Variants in BORCS5 observed in about 807,000 individuals in gnomAD.
BORCS5 encodes BLOC-1 related complex subunit 5.
Under a neutral mutation model 22.1 loss-of-function variants are expected in BORCS5, and 17 were observed. That is an observed-to-expected ratio of 0.77 (90% CI 0.53 to 1.15). The LOEUF (loss-of-function observed/expected upper bound fraction) is 1.15. Ranked by LOEUF, BORCS5 falls within the 50% of genes most tolerant of loss-of-function variation. The pLI is 0.00. For synonymous variants in BORCS5, 117 were observed against 99.8 expected, an observed-to-expected ratio of 1.17 and a Z score of -1.03; for missense variants, 247 against 253.2, an observed-to-expected ratio of 0.98 and a Z score of 0.17.
At chr12:12,408,765 T>G (rs968401137) in intron 2 of BORCS5, among the ~76,000 whole-genome samples, 13 of 152,336 alleles carry the variant, frequency 8.5e-5, no homozygotes, top group African/African-American at 3.1e-4. Context: ...TGTATATATA[T>G]AGAAAAATAT....
intron 2 of BORCS5, among the ~76,000 whole-genome samples, chr12:12,415,096 C>T (rs1941898084): frequency 6.6e-6 from 1 of 150,922 alleles, no homozygotes. Flanking sequence ...CTCCTCATAT[C>T]CCAGACGATG....
In BORCS5 at chr12:12,419,444, T is replaced by A. The variant is rs1469030973; in HGVS notation, c.203-16184T>A. Among the ~76,000 whole-genome samples the A allele has an allele frequency of 3.3e-5, 5 of 152,236 alleles. No homozygotes were observed. In the East Asian group the frequency reaches 7.7e-4, roughly 23 times the overall value. ...CACATTTTCTTAATCCAGTCTATCA[T>A]TGATGGACATTTGGGTTGGTTCCAA... On this transcript the variant is annotated intron_variant, in intron 2 of 3. Transcript: ENST00000314565.
intron 2 of BORCS5, among the ~76,000 whole-genome samples, chr12:12,390,008 A>G (rs1941131011): frequency 6.6e-6 from 1 of 151,988 alleles, no homozygotes; most frequent in African/African-American, 2.4e-5. Flanking sequence ...GCCAAATCGG[A>G]CTGTTTTCTT....
chr12:12,439,564 G>A (rs1179991932), intron 3 of BORCS5, among the ~76,000 whole-genome samples: 1 of 84,580 alleles, frequency 1.2e-5, no homozygotes, highest in Non-Finnish European at 2.6e-5. Context: ...GGAGGCAGAG[G>A]TTGCGGTGAG....
intron 2 of BORCS5, among the ~76,000 whole-genome samples, chr12:12,421,740 G>T (rs376947791): frequency 6.6e-6 from 1 of 152,168 alleles, no homozygotes; most frequent in African/African-American, 2.4e-5. Context: ...CCTATTATTG[G>T]TGTATTAAGA....
At chr12:12,430,450 C>T (rs907054631) in intron 2 of BORCS5, among the ~76,000 whole-genome samples, 3 of 151,894 alleles carry the variant, frequency 2.0e-5, no homozygotes, top group Admixed American at 6.6e-5. Flanking sequence ...TGTGCCTGGC[C>T]GATAAAATGT....
At chr12:12,442,619 C>G (rs1441644415) in intron 3 of BORCS5, among the ~76,000 whole-genome samples, 2 of 152,168 alleles carry the variant, frequency 1.3e-5, no homozygotes, top group Non-Finnish European at 2.9e-5. Context: ...TTAGCCCTTT[C>G]ATTGTGCAAA....
At chr12:12,428,103 G>A (rs1036836781) in intron 2 of BORCS5, among the ~76,000 whole-genome samples, 3 of 152,148 alleles carry the variant, frequency 2.0e-5, no homozygotes, top group South Asian at 2.1e-4. Context: ...AATGGAGCTC[G>A]TTATGTGTCC....
chr12:12,442,718 C>T (rs116875174), intron 3 of BORCS5, among the ~76,000 whole-genome samples: 313 of 152,246 alleles, frequency 2.1e-3, no homozygotes, highest in Non-Finnish European at 3.4e-3. Context: ...GAAGGTGAGT[C>T]ATCTTTTCCA....
chr12:12,381,357 T>C (rs1565847622), intron 2 of BORCS5, among the ~76,000 whole-genome samples: 1 of 151,448 alleles, frequency 6.6e-6, no homozygotes, highest in African/African-American at 2.4e-5. Context: ...TGTGATCCTT[T>C]TTGGATTACT....
intron 2 of BORCS5, among the ~76,000 whole-genome samples, chr12:12,402,929 A>G (rs922567756): frequency 1.1e-4 from 16 of 152,228 alleles, no homozygotes; most frequent in African/African-American, 2.4e-5. Flanking sequence ...AACTTTCCAC[A>G]TAGTTTTATA....
chr12:12,456,461 A>T (rs1309712224), intron 3 of BORCS5, among the ~76,000 whole-genome samples: 1 of 152,222 alleles, frequency 6.6e-6, no homozygotes, highest in African/African-American at 2.4e-5. Flanking sequence ...CATCTTTCAT[A>T]GGATGACCCA....
chr12:12,374,021 T>C (rs1159751314), intron 2 of BORCS5, among the ~76,000 whole-genome samples: 1 of 140,212 alleles, frequency 7.1e-6, no homozygotes, highest in East Asian at 2.2e-4. Context: ...GGAGTCTCGC[T>C]CTGTCGCCCA....
chr12:12,404,724 ACACAGT>A (rs1208998173), intron 2 of BORCS5, among the ~76,000 whole-genome samples: 1 of 152,118 alleles, frequency 6.6e-6, no homozygotes, highest in East Asian at 1.9e-4. Flanking sequence ...CTTTTTTGTG[ACACAGT>A]CTCTGTTGCC....
At chr12:12,460,782 TTTGA>T (rs1460050832) in intron 3 of BORCS5, among the ~76,000 whole-genome samples, 3 of 152,240 alleles carry the variant, frequency 2.0e-5, no homozygotes, top group African/African-American at 4.8e-5. Flanking sequence ...GGCAAGTTAC[TTTGA>T]TTGATTTTTC....
At position 12,470,826 on chromosome 12, in the gene BORCS5, C is replaced by T. The variant is rs1382782949; in HGVS notation, c.*5050C>T. On this transcript the variant is annotated 3_prime_UTR_variant, in exon 4 of 4. Transcript: ENST00000314565. ...TCTAGTTGCCTGCCAGGATGACCAGCGTTATGCTGGTGTGTGCGTGTCCAT... is the reference window on the plus strand; with the variant it reads ...TCTAGTTGCCTGCCAGGATGACCAGTGTTATGCTGGTGTGTGCGTGTCCAT... Among the ~76,000 whole-genome samples the T allele has an allele frequency of 2.0e-5, 3 of 151,822 alleles. No homozygotes were observed. Among genetic ancestry groups the T allele is most frequent in the South Asian group, 2.1e-4 (1 of 4,816 alleles).
intron 2 of BORCS5, among the ~76,000 whole-genome samples, chr12:12,385,878 C>T (rs1416166960): frequency 6.6e-6 from 1 of 151,436 alleles, no homozygotes; most frequent in East Asian, 1.9e-4. Flanking sequence ...TTCCAAACCT[C>T]AAAATGGTTT....
chr12:12,434,073 A>G (rs114255670), intron 2 of BORCS5, among the ~76,000 whole-genome samples: 2,465 of 152,052 alleles, frequency 0.016, 66 homozygotes, highest in African/African-American at 0.057. Flanking sequence ...GGATCGCTTG[A>G]GCCCAGAAGT....
At chr12:12,385,198 T>A (rs1481300189) in intron 2 of BORCS5, among the ~76,000 whole-genome samples, 1 of 151,492 alleles carries the variant, frequency 6.6e-6, no homozygotes, top group Non-Finnish European at 1.5e-5. Context: ...CCCTTTCAGG[T>A]CTCTGCTGCA....
Sources: allele counts gnomAD v4.1 joint callset (sites outside exome capture counted in the v4.1 genomes callset), GRCh38; gene constraint gnomAD v4.1.1; transcripts MANE v1.5; gene names NCBI Gene and HGNC (gene_info 2026-07-23, HGNC 2026-07-21).